The following CCSER1 variants were observed in gnomAD, a reference collection of about 807,000 sequenced individuals.
The protein encoded by CCSER1 is coiled-coil serine rich protein 1.
In CCSER1, 41 loss-of-function variants were observed where a neutral mutation model predicts 82.0. The observed-to-expected ratio is 0.50, with a 90% CI of 0.39 to 0.65. The LOEUF is 0.65. Ranked by LOEUF, CCSER1 falls within the 30% of genes least tolerant of loss-of-function variation. CCSER1 has a pLI of 0.00. For missense variants in CCSER1, 1,119 were observed against 1,064.2 expected (o/e 1.05, Z -0.72); for synonymous variants, 414 against 383.9 (o/e 1.08, Z -0.92).
intron 10 of CCSER1, among the ~76,000 whole-genome samples, chr4:91,089,923 G>A (rs1723778314): frequency 6.6e-6 from 1 of 152,210 alleles, no homozygotes; most frequent in Admixed American, 6.5e-5. Flanking sequence ...CTGCTAGCAA[G>A]TAGTTCAGAA....
chr4:90,976,178 A>T (rs1735596454), intron 9 of CCSER1, among the ~76,000 whole-genome samples: 1 of 151,330 alleles, frequency 6.6e-6, no homozygotes, highest in Admixed American at 6.6e-5. Context: ...TGATAGGCAG[A>T]ATTAAGATTT....
At chr4:90,861,757 T>A (rs1765111011) in intron 8 of CCSER1, among the ~76,000 whole-genome samples, 1 of 151,584 alleles carries the variant, frequency 6.6e-6, no homozygotes, top group Non-Finnish European at 1.5e-5. Flanking sequence ...TATGTCTCAT[T>A]TGACCCTTAC....
At chr4:90,268,384 T>C (rs1305540123) in intron 1 of CCSER1, among the ~76,000 whole-genome samples, 3 of 151,912 alleles carry the variant, frequency 2.0e-5, no homozygotes, top group Non-Finnish European at 4.4e-5. Context: ...CAATGATAAG[T>C]TAAAAAGTGG....
At chr4:91,065,468 G>A (rs940608393) in intron 9 of CCSER1, among the ~76,000 whole-genome samples, 1 of 151,878 alleles carries the variant, frequency 6.6e-6, no homozygotes, top group Non-Finnish European at 1.5e-5. Context: ...GGTTAGAATT[G>A]GGAAATTCAT....
At chr4:90,893,755 TTGTG>T (rs58240569) in intron 8 of CCSER1, among the ~76,000 whole-genome samples, 7 of 144,894 alleles carry the variant, frequency 4.8e-5, no homozygotes, top group South Asian at 2.2e-4. Flanking sequence ...ACCTGAATTC[TTGTG>T]TGTGTGTGTG....
intron 9 of CCSER1, among the ~76,000 whole-genome samples, chr4:91,073,835 C>T (rs1721682525): frequency 6.6e-6 from 1 of 152,034 alleles, no homozygotes; most frequent in South Asian, 2.1e-4. Context: ...AAAATTAAAA[C>T]ATAATACAGA....
At chr4:91,463,560 T>C (rs1428074539) in intron 10 of CCSER1, among the ~76,000 whole-genome samples, 1 of 152,142 alleles carries the variant, frequency 6.6e-6, no homozygotes, top group Non-Finnish European at 1.5e-5. Flanking sequence ...TTCTCTGAGC[T>C]AAAGGAGGAA....
At chr4:91,219,332 T>TTTA (rs1553913551) in intron 10 of CCSER1, among the ~76,000 whole-genome samples, 1 of 142,398 alleles carries the variant, frequency 7.0e-6, no homozygotes, top group African/African-American at 2.8e-5. Context: ...TTTTTTTTTT[T>TTTA]AAAACAGTCT....
intron 5 of CCSER1, among the ~76,000 whole-genome samples, chr4:90,586,832 A>G (rs968095880): frequency 1.3e-5 from 2 of 152,252 alleles, no homozygotes; most frequent in Non-Finnish European, 2.9e-5. Flanking sequence ...CAATGCTGAT[A>G]TGATGCTGTA....
intron 1 of CCSER1, among the ~76,000 whole-genome samples, chr4:90,263,141 G>A (rs28870519): frequency 0.052 from 7,886 of 152,234 alleles, 541 homozygotes; most frequent in African/African-American, 0.16. Flanking sequence ...TCCCACCAGC[G>A]GAAAGATCTG....
At chr4:91,082,803 T>C (rs1722924237) in intron 9 of CCSER1, among the ~76,000 whole-genome samples, 1 of 152,126 alleles carries the variant, frequency 6.6e-6, no homozygotes, top group Middle Eastern at 3.4e-3. Context: ...AAAAGACACA[T>C]GAAAAAATGC....
At chr4:91,560,214 A>T (rs912871921) in intron 10 of CCSER1, among the ~76,000 whole-genome samples, 60 of 151,660 alleles carry the variant, frequency 4.0e-4, no homozygotes, top group African/African-American at 1.4e-3. Context: ...TTGCTACCAT[A>T]TAATTTCCAA....
At chr4:90,137,802 C>T (rs181274875) in intron 1 of CCSER1, among the ~76,000 whole-genome samples, 10 of 152,246 alleles carry the variant, frequency 6.6e-5, no homozygotes, top group South Asian at 2.1e-4. Flanking sequence ...TTTTTGTTTA[C>T]GTTAATCATA....
chr4:90,695,323 T>C (rs987031682), intron 6 of CCSER1, among the ~76,000 whole-genome samples: 1 of 151,924 alleles, frequency 6.6e-6, no homozygotes, highest in Non-Finnish European at 1.5e-5. Context: ...TACTAAGCAC[T>C]CTTTTGGAGA....
At chr4:90,332,952 C>G (rs1275356023) in intron 3 of CCSER1, among the ~76,000 whole-genome samples, 1 of 152,170 alleles carries the variant, frequency 6.6e-6, no homozygotes, top group Admixed American at 6.5e-5. Flanking sequence ...TGTTATGTCT[C>G]TTTTCTCTCC....
At chr4:90,985,057 G>A (rs1736468664) in intron 9 of CCSER1, among the ~76,000 whole-genome samples, 1 of 151,754 alleles carries the variant, frequency 6.6e-6, no homozygotes, top group South Asian at 2.1e-4. Context: ...ACTGGGGAGG[G>A]AATGGAGGAG....
chr4:90,474,287 G>A (rs1560574270), intron 5 of CCSER1, among the ~76,000 whole-genome samples: 1 of 152,154 alleles, frequency 6.6e-6, no homozygotes, highest in East Asian at 1.9e-4. Context: ...AACATCCACA[G>A]GCTATTAGTT....
intron 7 of CCSER1, 107 bp from the exon 8 acceptor site, chr4:90,815,655 T>A (rs1387331653): frequency 1.5e-6 from 1 of 677,232 alleles, no homozygotes; most frequent in African/African-American, 1.8e-5. Context: ...AATTTGAGTT[T>A]CGTTAGTCAG....
intron 3 of CCSER1, among the ~76,000 whole-genome samples, chr4:90,355,948 A>G (rs1313890290): frequency 2.0e-5 from 3 of 151,940 alleles, no homozygotes; most frequent in Non-Finnish European, 4.4e-5. Context: ...GCAAATGTGA[A>G]TTGGCTTATT....
Sources: gnomAD v4.1 joint callset for allele counts (sites outside exome capture counted in the v4.1 genomes callset) on GRCh38, gnomAD v4.1.1 for gene constraint, MANE v1.5 for transcripts, NCBI Gene and HGNC (gene_info 2026-07-23, HGNC 2026-07-21) for gene names.